HEATR9: variants seen among roughly 807,000 people sequenced by gnomAD.
HEATR9 encodes the protein HEAT repeat containing 9.
In HEATR9, 54 loss-of-function variants were observed where a neutral mutation model predicts 68.2. The observed-to-expected ratio is 0.79, with a 90% CI of 0.64 to 0.99. HEATR9 has a LOEUF of 0.99. Among genes scored for constraint, HEATR9 ranks in the 50% least tolerant of loss-of-function variants. The pLI is 0.00. For missense variants in HEATR9, 662 were observed against 679.7 expected, an observed-to-expected ratio of 0.97 and a Z score of 0.29; for synonymous variants, 241 against 253.5, an observed-to-expected ratio of 0.95 and a Z score of 0.47.
chr17:35,855,103 A>T lies in HEATR9; in HGVS notation c.1673T>A (p.Ile558Asn). The T allele has an allele frequency of 6.2e-7, 1 of 1,614,016 alleles. No homozygotes were observed. The highest frequency in any genetic ancestry group is 8.5e-7 in the Non-Finnish European group (1 of 1,179,990). Reference sequence around the variant, plus strand: ...AGCAAGGACCCGGAGCTGTTTCTTGATCCTTGGCTGCCAGGGCCCTATGAC... The same window carrying T: ...AGCAAGGACCCGGAGCTGTTTCTTGTTCCTTGGCTGCCAGGGCCCTATGAC... ...PQVIGPWQPR[I>N]KKQLRVLAEI... Residue 558 changes from isoleucine to asparagine, a missense_variant, in exon 15 of 15, where the codon ATC becomes AAC. Coordinates refer to ENST00000604834, the MANE Select transcript of HEATR9 (RefSeq NM_152781.4).
Position 35,858,858 on chromosome 17 carries a change from C to T in HEATR9, c.939+30G>A, listed in dbSNP as rs370999208. ...CAATTCAGCAGTGGCTTCTGTTTCC[C>T]CAGGGATCCCAGCCTCCTGCCCCTC... On this transcript the variant is annotated intron_variant, in intron 9 of 14. Coordinates refer to ENST00000604834, the MANE Select transcript of HEATR9 (RefSeq NM_152781.4). 4.4e-6 allele frequency: 7 copies of T among 1,606,796 alleles called. No homozygotes were observed. The African/African-American group carries it at 8.0e-5, about 18-fold the overall frequency.
rs370864277 is a variant in HEATR9, at chr17:35,855,119, G to A, written c.1657C>T (p.Pro553Ser). The change falls in exon 15 of 15, where the codon CCC (proline) becomes TCC (serine). Residue 553 changes from proline (P) to serine (S), a missense_variant. Coordinates refer to ENST00000604834, the MANE Select transcript of HEATR9 (RefSeq NM_152781.4). ...TGTTTCTTGATCCTTGGCTGCCAGG[G>A]CCCTATGACCTGTGGCCTATGTTTT... is the stretch of plus-strand genomic sequence containing the variant. ...PRKHRPQVIG[P>S]WQPRIKKQLR... 6 of 1,614,204 alleles carry A rather than the reference G, an allele frequency of 3.7e-6. No homozygotes were observed. The highest frequency in any genetic ancestry group is 1.3e-5 in the African/African-American group (1 of 75,060).
intron 3 of HEATR9, 72 bp downstream of exon 3, chr17:35,865,143 C>T: frequency 6.5e-7 from 1 of 1,532,672 alleles, no homozygotes; most frequent in South Asian, 1.2e-5. Flanking sequence ...CTGGCCCACC[C>T]CTTCCTTGCC....
In HEATR9 at chr17:35,858,955, C is replaced by T; in HGVS notation, c.872G>A (p.Cys291Tyr). The T allele has an allele frequency of 1.2e-6, 2 of 1,614,200 alleles. No individual in the cohort carries two copies. Among genetic ancestry groups the T allele is most frequent in the Non-Finnish European group, 1.7e-6 (2 of 1,180,050 alleles). ...AALCLGFLRP[C>Y]SNMVQEFLLQ... ...CAAGAACTCTTGGACCATGTTGCTG[C>T]AAGGCCTCAGGAAACCCAGGCACAG... The change falls in exon 9 of 15, where the codon TGC (cysteine) becomes TAC (tyrosine). Residue 291 changes from cysteine (C) to tyrosine (Y), a missense_variant. By Grantham distance (194) the Cys-to-Tyr change is radical. Coordinates refer to ENST00000604834, the MANE Select transcript of HEATR9 (RefSeq NM_152781.4).
rs1000560836 is a variant in HEATR9, at chr17:35,868,823, G to A, written c.-81C>T. 7 of 1,259,614 alleles carry A rather than the reference G, an allele frequency of 5.6e-6. No homozygotes were observed. Among genetic ancestry groups the A allele is most frequent in the Non-Finnish European group, 6.9e-6 (6 of 869,840 alleles). 78.0% of individuals were successfully genotyped at this position (1,259,614 alleles called of 1,614,324 possible). Reference sequence around the variant, plus strand: ...GGGGAGTGGGGGCACAGCTGGAGGAGACCTGTCCTCTGTGGTACGAGAGGT... The same window carrying A: ...GGGGAGTGGGGGCACAGCTGGAGGAAACCTGTCCTCTGTGGTACGAGAGGT... On this transcript the variant is annotated 5_prime_UTR_variant, in exon 1 of 15. Coordinates refer to ENST00000604834, the MANE Select transcript of HEATR9 (RefSeq NM_152781.4).
chr17:35,859,827 C>G (rs1309825424), intron 8 of HEATR9, among the ~76,000 whole-genome samples: 1 of 152,258 alleles, frequency 6.6e-6, no homozygotes, highest in Non-Finnish European at 1.5e-5. Context: ...CTCTTTCTCA[C>G]TCTTCCAATT....
At chr17:35,864,709 G>A in intron 4 of HEATR9, 49 bp downstream of exon 4, 2 of 1,610,990 alleles carry the variant, frequency 1.2e-6, no homozygotes, top group Non-Finnish European at 1.7e-6. Context: ...CAAGGGAAGG[G>A]CACCCACAGG....
chr17:35,861,776 GTCACACCTGA>G (rs951250904), intron 8 of HEATR9, among the ~76,000 whole-genome samples: 3 of 151,752 alleles, frequency 2.0e-5, no homozygotes, highest in Non-Finnish European at 4.4e-5. Flanking sequence ...ACTCCTACTT[GTCACACCTGA>G]TCACTCTTAC....
intron 4 of HEATR9, 41 bp downstream of exon 4, chr17:35,864,717 A>AG: frequency 3.7e-6 from 6 of 1,612,102 alleles, no homozygotes; most frequent in Non-Finnish European, 5.1e-6. Context: ...GGGCACCCAC[A>AG]GGGAGGGAGT....
chr17:35,863,692 A>G, intron 6 of HEATR9, 133 bp from the exon 7 acceptor site: 1 of 949,742 alleles, frequency 1.1e-6, no homozygotes, highest in Non-Finnish European at 1.6e-6. Context: ...ATCTATTCTC[A>G]AATACAGAAT....
chr17:35,865,913 C>G (rs970410662), intron 2 of HEATR9, among the ~76,000 whole-genome samples: 1 of 152,286 alleles, frequency 6.6e-6, no homozygotes, highest in South Asian at 2.1e-4. Flanking sequence ...TCCCTGCCCT[C>G]ATGGAACTTA....
At chr17:35,865,423 CAG>C (rs2088167239) in intron 2 of HEATR9, 27 bp from the exon 3 acceptor site, 2 of 1,602,812 alleles carry the variant, frequency 1.2e-6, no homozygotes, top group Non-Finnish European at 1.7e-6. Flanking sequence ...GCAGAACAGT[CAG>C]AGGGGTCCCC....
chr17:35,858,879 C>T lies in HEATR9; in HGVS notation c.939+9G>A. On this transcript the variant is annotated intron_variant, in intron 9 of 14. Transcript: ENST00000604834. ...TTCCCCAGGGATCCCAGCCTCCTGC[C>T]CCTCACACCTTCATCCGCTGGGTCT... The T allele has an allele frequency of 1.2e-6, 2 of 1,611,944 alleles. No individual in the cohort carries two copies.
chr17:35,861,802 T>C (rs1287304259), intron 8 of HEATR9, among the ~76,000 whole-genome samples: 1 of 152,138 alleles, frequency 6.6e-6, no homozygotes, highest in Non-Finnish European at 1.5e-5. Context: ...CTTACCCTGC[T>C]ATGTAATTGT....
chr17:35,855,019 G>A lies in HEATR9; in HGVS notation c.*44C>T. On this transcript the variant is annotated 3_prime_UTR_variant, in exon 15 of 15. Transcript: ENST00000604834. ...TTGTTTTCTCATGGGAGCCTGAGAA[G>A]CATCTTCAGGGAGGGAGTCGGGGAG... 6.8e-7 allele frequency: 1 copy of A among 1,470,978 alleles called. No homozygotes were observed. The highest frequency in any genetic ancestry group is 9.4e-7 in the Non-Finnish European group (1 of 1,063,894). The allele number at this position is 1,470,978 out of a possible 1,614,324, so 91.1% of individuals were successfully genotyped here.
chr17:35,856,850 GGT>G, intron 11 of HEATR9, 45 bp from the exon 12 acceptor site: 1 of 1,506,218 alleles, frequency 6.6e-7, no homozygotes, highest in Non-Finnish European at 9.1e-7. Flanking sequence ...GGAATGCAAG[GGT>G]GTACACTTAA....
At position 35,858,185 on chromosome 17, in the gene HEATR9, T is replaced by C; in HGVS notation, c.1152+15A>G. The stretch of plus-strand genomic sequence containing the variant: ...TTTGGGTGTCTCTGGGCTTGGGAGC[T>C]TTGGTCTCACTTACAAGGAAGGGTT... On this transcript the variant is annotated intron_variant, in intron 11 of 14. Coordinates refer to ENST00000604834, the MANE Select transcript of HEATR9 (RefSeq NM_152781.4). The C allele has an allele frequency of 6.2e-7, 1 of 1,614,034 alleles. No individual in the cohort carries two copies. The highest frequency in any genetic ancestry group is 1.1e-5 in the South Asian group (1 of 91,064).
chr17:35,855,801 C>T, intron 13 of HEATR9, 51 bp from the exon 14 acceptor site: 1 of 1,444,660 alleles, frequency 6.9e-7, no homozygotes, highest in Non-Finnish European at 9.7e-7. Flanking sequence ...AGGAAGACAC[C>T]TTATACTCTT....
At chr17:35,859,118 C>G (rs2087885632) in intron 8 of HEATR9, 48 bp from the exon 9 acceptor site, 1 of 1,529,094 alleles carries the variant, frequency 6.5e-7, no homozygotes, top group South Asian at 1.1e-5. Flanking sequence ...GTACTTTATG[C>G]CAGGCTTTGT....
Sources: allele counts gnomAD v4.1 joint callset (sites outside exome capture counted in the v4.1 genomes callset), GRCh38; gene constraint gnomAD v4.1.1; transcripts MANE v1.5; gene names NCBI Gene and HGNC (gene_info 2026-07-23, HGNC 2026-07-21).